The following MARCHF8 variants were observed in gnomAD, a reference collection of about 807,000 sequenced individuals.
MARCHF8 encodes the protein E3 ubiquitin-protein ligase MARCHF8.
MARCHF8 carries 40 observed loss-of-function variants against 51.6 expected under a neutral mutation model. The observed-to-expected ratio is 0.77, with a 90% CI of 0.60 to 1.01. MARCHF8 has a LOEUF of 1.01. Ranked by LOEUF, MARCHF8 falls within the 50% of genes least tolerant of loss-of-function variation. The pLI is 0.00. For synonymous variants in MARCHF8, 263 were observed against 280.3 expected (o/e 0.94, Z 0.62); for missense variants, 685 against 708.6 (o/e 0.97, Z 0.38).
intron 2 of MARCHF8, among the ~76,000 whole-genome samples, chr10:45,492,557 A>G (rs2043102952): frequency 6.6e-6 from 1 of 152,156 alleles, no homozygotes. Flanking sequence ...TCGGCCTCCC[A>G]AAGTGCTGGG....
intron 6 of MARCHF8, chr10:45,459,706 T>G (rs1204572947): frequency 1.8e-5 from 18 of 985,326 alleles, no homozygotes; most frequent in Non-Finnish European, 2.0e-5. Flanking sequence ...TGGGTCACAC[T>G]ACATTGTGAA....
chr10:45,582,879 A>G (rs963982281), intron 1 of MARCHF8, among the ~76,000 whole-genome samples: 2 of 152,222 alleles, frequency 1.3e-5, no homozygotes, highest in Non-Finnish European at 2.9e-5. Flanking sequence ...GGCTTTGCAG[A>G]TGAATAGTTA....
chr10:45,558,439 T>A (rs2044275479), intron 1 of MARCHF8, among the ~76,000 whole-genome samples: 1 of 152,212 alleles, frequency 6.6e-6, no homozygotes, highest in Admixed American at 6.5e-5. Flanking sequence ...TGATTTGTTC[T>A]AAGAAGAACA....
At chr10:45,546,149 T>TATTTATTTA (rs2044118797) in intron 1 of MARCHF8, among the ~76,000 whole-genome samples, 2 of 150,974 alleles carry the variant, frequency 1.3e-5, no homozygotes, top group African/African-American at 4.9e-5. Flanking sequence ...TTTATTTATT[T>TATTTATTTA]ATTTATTTAT....
intron 2 of MARCHF8, among the ~76,000 whole-genome samples, chr10:45,495,300 TTAAC>T (rs1020916750): frequency 2.6e-5 from 4 of 152,072 alleles, no homozygotes; most frequent in Non-Finnish European, 4.4e-5. Context: ...TCAATGAAGT[TTAAC>T]TATTTTCTCA....
intron 1 of MARCHF8, among the ~76,000 whole-genome samples, chr10:45,576,652 T>C (rs1227797177): frequency 1.3e-5 from 2 of 152,008 alleles, no homozygotes; most frequent in Non-Finnish European, 2.9e-5. Flanking sequence ...CCTGGTGTCC[T>C]GGCTCAAGCC....
intron 1 of MARCHF8, among the ~76,000 whole-genome samples, chr10:45,579,921 G>A (rs2044534007): frequency 6.9e-6 from 1 of 145,670 alleles, no homozygotes; most frequent in African/African-American, 2.5e-5. Context: ...GCTGAGACAG[G>A]AGAATTGCTT....
chr10:45,572,632 T>C (rs1263717241), intron 1 of MARCHF8, among the ~76,000 whole-genome samples: 1 of 152,046 alleles, frequency 6.6e-6, no homozygotes, highest in Non-Finnish European at 1.5e-5. Context: ...TACACATCGG[T>C]CCATCCCTAG....
intron 1 of MARCHF8, among the ~76,000 whole-genome samples, chr10:45,546,759 G>A (rs2044127944): frequency 6.7e-6 from 1 of 150,214 alleles, no homozygotes; most frequent in Non-Finnish European, 1.5e-5. Context: ...TCCAGCCTGG[G>A]TGACAGGAGG....
Position 45,458,512 on chromosome 10 carries a change from C to A in MARCHF8, c.1449G>T (p.Leu483Phe), listed in dbSNP as rs1482861812. Residue 483 changes from leucine (L) to phenylalanine (F), a missense_variant, in exon 8 of 8, where the codon TTG (leucine) becomes TTT (phenylalanine). Physicochemically the swap from Leu to Phe is conservative, Grantham distance 22. Coordinates refer to ENST00000453424, the MANE Select transcript of MARCHF8 (RefSeq NM_001282866.2). The stretch of plus-strand genomic sequence containing the variant: ...CGGTGAAGCCGATGGCCACAACCAC[C>A]AATTTAGTCCAAAAGGGCCATTCTA... ...GILEWPFWTK[L>F]VVVAIGFTGG... is the part of the protein sequence containing the mutation. 1.9e-6 allele frequency: 3 copies of A among 1,603,714 alleles called. No homozygotes were observed. Among genetic ancestry groups the A allele is most frequent in the Non-Finnish European group, 2.6e-6 (3 of 1,175,438 alleles).
chr10:45,471,298 G>A (rs925984964), intron 3 of MARCHF8, among the ~76,000 whole-genome samples: 1 of 152,186 alleles, frequency 6.6e-6, no homozygotes, highest in Non-Finnish European at 1.5e-5. Flanking sequence ...CACTGGTGGA[G>A]GGGACAGAAG....
At chr10:45,494,543 C>T (rs1172681369) in intron 2 of MARCHF8, among the ~76,000 whole-genome samples, 1 of 152,214 alleles carries the variant, frequency 6.6e-6, no homozygotes. Context: ...TGAGCAGCAA[C>T]AAACCCAGCT....
At chr10:45,572,502 G>A (rs1340024020) in intron 1 of MARCHF8, among the ~76,000 whole-genome samples, 2 of 152,042 alleles carry the variant, frequency 1.3e-5, no homozygotes, top group Non-Finnish European at 2.9e-5. Flanking sequence ...ATACAAACTC[G>A]ATAACGGCTC....
intron 1 of MARCHF8, among the ~76,000 whole-genome samples, chr10:45,562,887 A>C (rs1170935297): frequency 1.3e-5 from 2 of 152,190 alleles, no homozygotes; most frequent in African/African-American, 4.8e-5. Context: ...AGGTCATTAA[A>C]GTACAGTTGA....
upstream of MARCHF8, among the ~76,000 whole-genome samples, chr10:45,539,568 G>A (rs529753523): frequency 1.3e-5 from 2 of 152,032 alleles, no homozygotes; most frequent in African/African-American, 2.4e-5. Flanking sequence ...TTGATAGACC[G>A]CTAGCAAGAC....
rs1289025788 is a variant in MARCHF8, at chr10:45,564,799, A to T, written c.-79+29436T>A. ...ATGACGGCCAGCTGATTTTTTTTTT[A>T]ATCAGAAAAAGAAGCCAGGAAGTAA... On this transcript the variant is annotated intron_variant, in intron 1 of 6. Transcript: ENST00000319836. Among the ~76,000 whole-genome samples, 5 of 151,862 alleles carry T rather than the reference A, an allele frequency of 3.3e-5. No homozygotes were observed. The East Asian group carries it at 9.6e-4, about 29-fold the overall frequency.
At chr10:45,554,605 G>A (rs1011579614) in intron 1 of MARCHF8, among the ~76,000 whole-genome samples, 3 of 152,180 alleles carry the variant, frequency 2.0e-5, no homozygotes, top group African/African-American at 7.2e-5. Flanking sequence ...CTAATGTGAA[G>A]GCACTCCCAT....
chr10:45,458,321 C>T lies in MARCHF8; in HGVS notation c.1640G>A (p.Gly547Glu), dbSNP rs1186951796. The change falls in exon 8 of 8, where the codon GGA (glycine) becomes GAA (glutamate). Residue 547 changes from glycine to glutamate, a missense_variant. Transcript: ENST00000453424. ...LTEPNFENKH[G>E]YGICHSDTNS... ...TGTGTCGGAATGACAGATTCCATAT[C>T]CATGTTTATTTTCAAAGTTGGGCTC... 1 of 1,614,128 alleles carries T rather than the reference C, an allele frequency of 6.2e-7. No individual in the cohort carries two copies.
At chr10:45,476,356 G>A (rs1470956779) in intron 3 of MARCHF8, among the ~76,000 whole-genome samples, 1 of 152,210 alleles carries the variant, frequency 6.6e-6, no homozygotes, top group Non-Finnish European at 1.5e-5. Flanking sequence ...TTGAGGCTAG[G>A]AGTTCGAGAC....
Sources: allele counts gnomAD v4.1 joint callset (sites outside exome capture counted in the v4.1 genomes callset), GRCh38; gene constraint gnomAD v4.1.1; transcripts MANE v1.5; gene names NCBI Gene and HGNC (gene_info 2026-07-23, HGNC 2026-07-21).